Variants in COL5A1 observed in about 807,000 individuals in gnomAD.
The protein encoded by COL5A1 is collagen alpha-1(V) chain.
A neutral mutation model predicts 263.7 loss-of-function variants in COL5A1; 16 were observed. The ratio of observed to expected loss-of-function variants is 0.06; its 90% CI spans 0.04 to 0.09. COL5A1 has a LOEUF of 0.09. COL5A1 is among the 10% of genes least tolerant of loss of function. The probability of loss-of-function intolerance (pLI) is 1.00; values close to 1 mark genes in which losing one functional copy is unlikely to be tolerated. For missense variants in COL5A1, 2,036 were observed against 2,540.5 expected (o/e 0.80, Z 4.27); for synonymous variants, 1,012 against 1,004.5 (o/e 1.01, Z -0.14).
At position 134,738,860 on chromosome 9, in the gene COL5A1, C is replaced by T. The variant is rs369895354; in HGVS notation, c.1494+52C>T. ...ATCACACAAGGTGTGGGGCTGCCCA[C>T]GCCTCCTCTCCACACTGTGACCCGA... On this transcript the variant is annotated intron_variant, in intron 11 of 65. Coordinates refer to ENST00000371817, the MANE Select transcript of COL5A1 (RefSeq NM_000093.5). 51 of 1,452,550 alleles carry T rather than the reference C, an allele frequency of 3.5e-5. 1 individual carries two copies. The highest frequency in any genetic ancestry group is 1.8e-4 in the Middle Eastern group (1 of 5,682). The allele number at this position is 1,452,550 out of a possible 1,614,324, so 90.0% of individuals were successfully genotyped here.
Position 134,730,362 on chromosome 9 carries a change from C to T in COL5A1, c.1051C>T (p.Pro351Ser). 6.2e-7 allele frequency: 1 copy of T among 1,614,244 alleles called. No individual in the cohort carries two copies. The highest frequency in any genetic ancestry group is 8.5e-7 in the Non-Finnish European group (1 of 1,180,040). Residue 351 changes from proline (P) to serine (S), a missense_variant, in exon 7 of 66, where the codon CCG (proline) becomes TCG (serine). Pro to Ser is a moderately conservative substitution (Grantham distance 74). Around this residue, in one of 3 missense-constraint regions of COL5A1, gnomAD observed 600 missense variants for 634.5 expected, o/e 0.95. Transcript: ENST00000371817. ...CAGTGAGGACTACTACACGCCCTCA[C>T]CGTATGATGACCTCACCTATGGCGA... ...VPSEDYYTPSPYDDLTYGEGE... is the reference protein window; with the variant it reads ...VPSEDYYTPSSYDDLTYGEGE...
At position 134,732,178 on chromosome 9, in the gene COL5A1, G is replaced by A; in HGVS notation, c.1389+51G>A. 3 of 1,596,504 alleles carry A rather than the reference G, an allele frequency of 1.9e-6. 1 individual carries two copies. The South Asian group carries it at 3.3e-5, about 18-fold the overall frequency. ...CTGCGCCGGGGTGTCCGCTGCTCGG[G>A]GTCACAGCGGGGTGTGTAGGGTGTG... On this transcript the variant is annotated intron_variant, in intron 9 of 65. Coordinates refer to ENST00000371817, the MANE Select transcript of COL5A1 (RefSeq NM_000093.5).
At chr9:134,774,410 G>A (rs574257936) in intron 26 of COL5A1, among the ~76,000 whole-genome samples, 5 of 152,280 alleles carry the variant, frequency 3.3e-5, no homozygotes, top group Admixed American at 6.5e-5. Context: ...GAGCATCGGC[G>A]AGGCCCTTGG....
At chr9:134,836,730 C>T (rs775948626) in intron 65 of COL5A1, among the ~76,000 whole-genome samples, 77 of 152,346 alleles carry the variant, frequency 5.1e-4, no homozygotes, top group African/African-American at 1.4e-3. Flanking sequence ...ACCCATAGGA[C>T]GCTCAGCTCC....
intron 5 of COL5A1, among the ~76,000 whole-genome samples, chr9:134,727,819 G>C (rs963526802): frequency 7.2e-5 from 11 of 152,180 alleles, no homozygotes; most frequent in African/African-American, 2.7e-4. Context: ...CGGATCCCTT[G>C]AGTGTAAAGT....
At chr9:134,786,391 G>A (rs879527739) in intron 31 of COL5A1, among the ~76,000 whole-genome samples, 12 of 152,184 alleles carry the variant, frequency 7.9e-5, no homozygotes, top group Middle Eastern at 3.2e-3. Context: ...TTAATTTGCC[G>A]AGTTGAAAGG....
rs1482404206 is a variant in COL5A1, at chr9:134,841,832, G to C, written c.5371-325G>C. Among the ~76,000 whole-genome samples, 1 of 152,136 alleles carries C rather than the reference G, an allele frequency of 6.6e-6. No homozygotes were observed. Among genetic ancestry groups the C allele is most frequent in the Non-Finnish European group, 1.5e-5 (1 of 68,034 alleles). ...GGGGCATCACAAGGAGTCTGGACTG[G>C]GCACGGTGGGAAGGCTGATCAGCTT... On this transcript the variant is annotated intron_variant, in intron 65 of 65. Coordinates refer to ENST00000371817, the MANE Select transcript of COL5A1 (RefSeq NM_000093.5). The surrounding 1 kb of genome is among the most constrained non-coding windows in gnomAD (Gnocchi z 4.8).
Position 134,728,267 on chromosome 9 carries a change from A to T in COL5A1, c.787-403A>T, listed in dbSNP as rs142903493. 4.9e-3 allele frequency among the ~76,000 whole-genome samples: 741 copies of T among 152,294 alleles called. 7 individuals carry two copies. The highest frequency in any genetic ancestry group is 0.017 in the African/African-American group (709 of 41,578). ...GGACAAGGCCTACTCTGTCCCACTG[A>T]AGCCCTACCCGTGGGGTCCCTGGGC... On this transcript the variant is annotated intron_variant, in intron 5 of 65. Coordinates refer to ENST00000371817, the MANE Select transcript of COL5A1 (RefSeq NM_000093.5).
chr9:134,834,510 G>A lies in COL5A1; in HGVS notation c.5137-461G>A, dbSNP rs12348432. Among the ~76,000 whole-genome samples, 1,172 of 152,278 alleles carry A rather than the reference G, an allele frequency of 7.7e-3. 5 individuals carry two copies. The highest frequency in any genetic ancestry group is 0.027 in the African/African-American group (1,106 of 41,542). ...ACCATGCAGCAAAGCTTTATCAAGC[G>A]CACACTGGGCAGCCATGGGGCGGGT... On this transcript the variant is annotated intron_variant, in intron 64 of 65. Coordinates refer to ENST00000371817, the MANE Select transcript of COL5A1 (RefSeq NM_000093.5).
At chr9:134,711,476 G>A (rs1834040564) in intron 4 of COL5A1, among the ~76,000 whole-genome samples, 2 of 152,110 alleles carry the variant, frequency 1.3e-5, no homozygotes, top group Non-Finnish European at 2.9e-5. Flanking sequence ...AGTTGGGAAG[G>A]GCTGCTCTGT....
At chr9:134,798,376 A>G (rs1259784256) in intron 36 of COL5A1, 32 bp from the exon 37 acceptor site, 3 of 1,611,544 alleles carry the variant, frequency 1.9e-6, no homozygotes, top group African/African-American at 1.3e-5. Flanking sequence ...TCAGACACGA[A>G]TGAACCTCCT....
At chr9:134,829,954 C>G (rs761575001) in intron 63 of COL5A1, 22 bp from the exon 64 acceptor site, 2 of 1,609,744 alleles carry the variant, frequency 1.2e-6, no homozygotes, top group South Asian at 2.2e-5. Context: ...TCTCCCTCCC[C>G]ACCTCCCCGC....
intron 1 of COL5A1, among the ~76,000 whole-genome samples, chr9:134,653,988 GGCTGGT>G: frequency 6.7e-6 from 1 of 148,356 alleles, no homozygotes; most frequent in Non-Finnish European, 1.5e-5. Flanking sequence ...AAGTGTATAG[GGCTGGT>G]GTGTGTAGGG....
intron 57 of COL5A1, among the ~76,000 whole-genome samples, chr9:134,819,736 C>T (rs959551042): frequency 3.3e-5 from 5 of 152,222 alleles, no homozygotes; most frequent in Admixed American, 6.5e-5. Flanking sequence ...TCTTTCTTTC[C>T]GTGTCAGTCC....
At position 134,765,353 on chromosome 9, in the gene COL5A1, G is replaced by A. The variant is rs4842155; in HGVS notation, c.2035-328G>A. Among the ~76,000 whole-genome samples the A allele has an allele frequency of 0.046, 6,977 of 151,712 alleles. 364 individuals are homozygous for A. The highest frequency in any genetic ancestry group is 0.26 in the East Asian group (1,350 of 5,144). On this transcript the variant is annotated intron_variant, in intron 20 of 65. Coordinates refer to ENST00000371817, the MANE Select transcript of COL5A1 (RefSeq NM_000093.5). The surrounding 1 kb of genome is among the most constrained non-coding windows in gnomAD (Gnocchi z 5.1). ...GAATGTTATAGCGTGGTGATTCTCTGGGGGAGCGTCTGCTCACCTGCCCCA... is the reference window on the plus strand; with the variant it reads ...GAATGTTATAGCGTGGTGATTCTCTAGGGGAGCGTCTGCTCACCTGCCCCA...
intron 64 of COL5A1, 67 bp from the exon 65 acceptor site, chr9:134,834,904 C>T (rs895764694): frequency 3.6e-5 from 40 of 1,124,590 alleles, no homozygotes; most frequent in Middle Eastern, 2.0e-4. Flanking sequence ...CAGGGCAGTG[C>T]GGACGTGGGG....
chr9:134,708,434 G>T (rs1297677249), intron 4 of COL5A1: 2 of 406,762 alleles, frequency 4.9e-6, no homozygotes, highest in African/African-American at 2.1e-5. Flanking sequence ...TGGGGGCTCT[G>T]GTGCACCTGC....
intron 2 of COL5A1, among the ~76,000 whole-genome samples, chr9:134,697,872 T>A (rs1306360451): frequency 6.6e-6 from 1 of 152,026 alleles, no homozygotes; most frequent in African/African-American, 2.4e-5. Context: ...TCACCTGAGG[T>A]CAGGAGTTCG....
chr9:134,760,909 GCA>G (rs535850529), intron 18 of COL5A1, among the ~76,000 whole-genome samples: 59 of 133,406 alleles, frequency 4.4e-4, no homozygotes, highest in East Asian at 9.5e-4. Flanking sequence ...ATACACACAT[GCA>G]CACACACACG....
Sources: allele counts gnomAD v4.1 joint callset (sites outside exome capture counted in the v4.1 genomes callset), GRCh38; gene constraint gnomAD v4.1.1; regional missense constraint gnomAD v4.1.1; non-coding constraint Gnocchi (gnomAD v3.1); transcripts MANE v1.5; gene names NCBI Gene and HGNC (gene_info 2026-07-23, HGNC 2026-07-21).